C8orf34: variants seen among roughly 807,000 people sequenced by gnomAD.
C8orf34 encodes chromosome 8 open reading frame 34.
Under a neutral mutation model 68.3 loss-of-function variants are expected in C8orf34, and 65 were observed. The observed-to-expected ratio is 0.95, with a 90% confidence interval of 0.78 to 1.17. The LOEUF (loss-of-function observed/expected upper bound fraction) is 1.17. Among genes scored for constraint, C8orf34 ranks in the 50% most tolerant of loss-of-function variants. The pLI is 0.00. For missense variants in C8orf34, 664 were observed against 655.4 expected, an observed-to-expected ratio of 1.01 and a Z score of -0.14; for synonymous variants, 244 against 241.2, an observed-to-expected ratio of 1.01 and a Z score of -0.11.
At chr8:68,471,460 A>T (rs1169745826) in intron 4 of C8orf34, among the ~76,000 whole-genome samples, 2 of 152,154 alleles carry the variant, frequency 1.3e-5, no homozygotes, top group Non-Finnish European at 2.9e-5. Context: ...ATGATTGTTT[A>T]TCAGTCTAGT....
intron 11 of C8orf34, among the ~76,000 whole-genome samples, chr8:68,786,673 T>C (rs1823854916): frequency 6.6e-6 from 1 of 152,116 alleles, no homozygotes; most frequent in Non-Finnish European, 1.5e-5. Flanking sequence ...ATTGAGAGAA[T>C]AGTATGATAG....
intron 7 of C8orf34, among the ~76,000 whole-genome samples, chr8:68,584,290 G>T (rs772516872): frequency 6.6e-6 from 1 of 151,812 alleles, no homozygotes; most frequent in East Asian, 1.9e-4. Context: ...TCCTGATAGC[G>T]TTCTCTGAGA....
At chr8:68,436,821 A>G (rs959133466) in intron 1 of C8orf34, among the ~76,000 whole-genome samples, 3 of 152,172 alleles carry the variant, frequency 2.0e-5, no homozygotes, top group Admixed American at 2.0e-4. Flanking sequence ...TCAGTCCCTC[A>G]GGTCTACCTC....
Position 68,625,498 on chromosome 8 carries a change from C to T in C8orf34, c.1106-14878C>T, listed in dbSNP as rs868079963. 4 of 591,320 alleles carry T rather than the reference C, an allele frequency of 6.8e-6. No homozygotes were observed. The South Asian group carries it at 8.1e-5, about 12-fold the overall frequency. 36.6% of individuals were successfully genotyped at this position (591,320 alleles called of 1,614,324 possible). A position where few individuals can be genotyped will look rare whatever the true frequency, so the allele number is the denominator to read the frequency against. ...GAATTGAAAATGGTCTTGTAAAATT[C>T]CACTTGGGGTGGCGATGCTTTGTGG... On this transcript the variant is annotated intron_variant, in intron 7 of 13. Transcript: ENST00000518698.
intron 8 of C8orf34, 149 bp downstream of exon 8, chr8:68,640,660 T>A (rs773814302): frequency 2.4e-4 from 189 of 774,950 alleles, no homozygotes; most frequent in Admixed American, 7.8e-4. Flanking sequence ...GAGTTAGTTA[T>A]GCAGTTTATC....
intron 8 of C8orf34, among the ~76,000 whole-genome samples, chr8:68,648,941 T>C (rs1819260679): frequency 6.6e-6 from 1 of 152,214 alleles, no homozygotes; most frequent in Non-Finnish European, 1.5e-5. Flanking sequence ...CATTTCAAAT[T>C]GTCTATATTA....
At chr8:68,511,903 A>G (rs1379915001) in intron 5 of C8orf34, among the ~76,000 whole-genome samples, 1 of 152,240 alleles carries the variant, frequency 6.6e-6, no homozygotes, top group Non-Finnish European at 1.5e-5. Context: ...GCAAAAGTCA[A>G]AAAGGTTGCT....
intron 10 of C8orf34, among the ~76,000 whole-genome samples, chr8:68,774,559 C>A (rs905594467): frequency 2.0e-5 from 3 of 151,780 alleles, no homozygotes; most frequent in African/African-American, 7.3e-5. Context: ...AACATTTAAA[C>A]TACGGCATAT....
Position 68,647,982 on chromosome 8 carries a change from C to T in C8orf34, c.1241+7471C>T, listed in dbSNP as rs1042718559. 2.4e-4 allele frequency among the ~76,000 whole-genome samples: 37 copies of T among 152,130 alleles called. 1 individual carries two copies. Among genetic ancestry groups the T allele is most frequent in the African/African-American group, 8.7e-4 (36 of 41,432 alleles). ...AATTTATAAAGAATCTAATCCAGAA[C>T]ATTTTATTTTCGCCCTTAGATCATG... On this transcript the variant is annotated intron_variant, in intron 8 of 13. Coordinates refer to ENST00000518698, the MANE Select transcript of C8orf34 (RefSeq NM_052958.4).
At chr8:68,650,845 C>G (rs1423627591) in intron 8 of C8orf34, among the ~76,000 whole-genome samples, 3 of 152,138 alleles carry the variant, frequency 2.0e-5, no homozygotes, top group African/African-American at 7.2e-5. Context: ...TGGTTCTTCA[C>G]TATATACGTG....
At chr8:68,638,534 A>G (rs565202345) in intron 7 of C8orf34, among the ~76,000 whole-genome samples, 70 of 152,214 alleles carry the variant, frequency 4.6e-4, no homozygotes, top group African/African-American at 1.6e-3. Context: ...CTCTGTATGG[A>G]GCAGGAGTAT....
intron 8 of C8orf34, among the ~76,000 whole-genome samples, chr8:68,657,245 G>A (rs923133907): frequency 6.6e-6 from 1 of 152,142 alleles, no homozygotes; most frequent in Non-Finnish European, 1.5e-5. Flanking sequence ...GCAATAGTCT[G>A]AATGTTTGTA....
chr8:68,704,108 A>G (rs572008250), intron 8 of C8orf34, among the ~76,000 whole-genome samples: 1 of 152,322 alleles, frequency 6.6e-6, no homozygotes. Context: ...GACTTTAATT[A>G]CATAAAAATA....
chr8:68,584,849 G>A (rs1246470941), intron 7 of C8orf34, among the ~76,000 whole-genome samples: 2 of 152,134 alleles, frequency 1.3e-5, no homozygotes, highest in African/African-American at 4.8e-5. Context: ...GAGACTGAAA[G>A]GATTCCATAA....
At chr8:68,620,619 G>T (rs964687829) in intron 7 of C8orf34, among the ~76,000 whole-genome samples, 3 of 150,724 alleles carry the variant, frequency 2.0e-5, no homozygotes, top group African/African-American at 7.3e-5. Context: ...AACAGAAAAG[G>T]AGTCTTTTTA....
chr8:68,681,134 T>G (rs1328838902), intron 8 of C8orf34, among the ~76,000 whole-genome samples: 1 of 152,084 alleles, frequency 6.6e-6, no homozygotes, highest in East Asian at 1.9e-4. Flanking sequence ...AAATCACTGT[T>G]GTTCTGTTCT....
chr8:68,716,600 T>C (rs1821479695), intron 9 of C8orf34, among the ~76,000 whole-genome samples: 1 of 152,056 alleles, frequency 6.6e-6, no homozygotes, highest in African/African-American at 2.4e-5. Context: ...ATCTTTTTTC[T>C]TTTACAACCT....
chr8:68,810,124 C>A (rs1195615240), intron 12 of C8orf34, among the ~76,000 whole-genome samples: 2 of 152,194 alleles, frequency 1.3e-5, no homozygotes, highest in African/African-American at 4.8e-5. Flanking sequence ...CTGGTCTCAT[C>A]CTGCCTGCTT....
chr8:68,434,739 A>T (rs1221577191), intron 1 of C8orf34, among the ~76,000 whole-genome samples: 1 of 152,142 alleles, frequency 6.6e-6, no homozygotes, highest in Non-Finnish European at 1.5e-5. Flanking sequence ...TCTAGTTGAT[A>T]AAAAACAATA....
Sources: gnomAD v4.1 joint callset for allele counts (sites outside exome capture counted in the v4.1 genomes callset) on GRCh38, gnomAD v4.1.1 for gene constraint, MANE v1.5 for transcripts, NCBI Gene and HGNC (gene_info 2026-07-23, HGNC 2026-07-21) for gene names.